Variants in KCNIP4 observed in about 807,000 individuals in gnomAD.
The protein encoded by KCNIP4 is potassium voltage-gated channel interacting protein 4, also known as Kv channel-interacting protein 4.
In KCNIP4, 12 loss-of-function variants were observed where a neutral mutation model predicts 34.0. That is an observed-to-expected ratio of 0.35 (90% CI 0.23 to 0.57). The LOEUF is 0.57. Ranked by LOEUF, KCNIP4 falls within the 20% of genes least tolerant of loss-of-function variation. KCNIP4 has a pLI of 0.83. For missense variants in KCNIP4, 238 were observed against 311.7 expected, an observed-to-expected ratio of 0.76 and a Z score of 1.78; for synonymous variants, 124 against 102.2, an observed-to-expected ratio of 1.21 and a Z score of -1.29.
chr4:21,660,833 A>G (rs545122664), intron 1 of KCNIP4, among the ~76,000 whole-genome samples: 15 of 152,316 alleles, frequency 9.8e-5, no homozygotes, highest in African/African-American at 3.1e-4. Flanking sequence ...TTTCACTTAT[A>G]TATATCTCAT....
intron 1 of KCNIP4, among the ~76,000 whole-genome samples, chr4:20,979,205 AAAGTAT>A (rs147420096): frequency 0.015 from 2,300 of 152,236 alleles, 60 homozygotes; most frequent in African/African-American, 0.053. Flanking sequence ...GCTCTGAAAT[AAAGTAT>A]AAGTATATTG....
chr4:21,763,020 T>C, intron 1 of KCNIP4: 14 of 1,288,794 alleles, frequency 1.1e-5, no homozygotes, highest in Non-Finnish European at 1.4e-5. Context: ...CAGCGAATGC[T>C]CAATAACCGC....
intron 1 of KCNIP4, among the ~76,000 whole-genome samples, chr4:20,905,511 T>TTTTTTTTTTTG (rs1727652468): frequency 1.1e-5 from 1 of 92,124 alleles, no homozygotes; most frequent in African/African-American, 3.7e-5. Flanking sequence ...TTTTCTTTCT[T>TTTTTTTTTTTG]TTTTTTTTTT....
In KCNIP4 at chr4:20,732,927, T is replaced by C. The variant is rs1020013248; in HGVS notation, c.538-142A>G. On this transcript the variant is annotated intron_variant, in intron 6 of 8. Transcript: ENST00000382152. ...TTCTTTGTTAGACGACTGTTGGTTGTCCCAAAGGAAAAGGCAACAAACAGC... is the reference window on the plus strand; with the variant it reads ...TTCTTTGTTAGACGACTGTTGGTTGCCCCAAAGGAAAAGGCAACAAACAGC... 1.9e-5 allele frequency: 11 copies of C among 582,472 alleles called. 1 individual carries two copies. The South Asian group carries it at 2.5e-4, about 13-fold the overall frequency. 36.1% of individuals were successfully genotyped at this position (582,472 alleles called of 1,614,324 possible). A position where few individuals can be genotyped will look rare whatever the true frequency, so the allele number is the denominator to read the frequency against.
intron 3 of KCNIP4, among the ~76,000 whole-genome samples, chr4:20,807,576 G>T: frequency 6.6e-6 from 1 of 152,016 alleles, no homozygotes. Flanking sequence ...AAAAGAAAAA[G>T]GCTGCTGATC....
At chr4:21,708,137 G>T (rs1390528637) in intron 1 of KCNIP4, among the ~76,000 whole-genome samples, 2 of 152,028 alleles carry the variant, frequency 1.3e-5, no homozygotes, top group African/African-American at 4.8e-5. Flanking sequence ...CTATTAAACA[G>T]TCATGCAGTC....
At chr4:21,578,635 C>T (rs953634874) in intron 1 of KCNIP4, among the ~76,000 whole-genome samples, 1 of 152,122 alleles carries the variant, frequency 6.6e-6, no homozygotes, top group Non-Finnish European at 1.5e-5. Flanking sequence ...ATCTGCTCAT[C>T]CGTGCCATCT....
chr4:20,738,895 T>C (rs1026706496), intron 5 of KCNIP4, among the ~76,000 whole-genome samples: 1 of 152,104 alleles, frequency 6.6e-6, no homozygotes, highest in Non-Finnish European at 1.5e-5. Context: ...CTGCCAATAT[T>C]GTGCTTTTCC....
chr4:20,964,118 T>C (rs536783502), intron 1 of KCNIP4, among the ~76,000 whole-genome samples: 6 of 152,302 alleles, frequency 3.9e-5, no homozygotes, highest in African/African-American at 1.4e-4. Flanking sequence ...GTATTTTACA[T>C]ACTTATTTAT....
intron 1 of KCNIP4, among the ~76,000 whole-genome samples, chr4:21,155,942 T>C (rs1455389939): frequency 1.3e-5 from 2 of 152,190 alleles, no homozygotes; most frequent in African/African-American, 4.8e-5. Flanking sequence ...GAACAATTCA[T>C]GCTTCAACCC....
At chr4:21,111,707 T>C (rs1427287334) in intron 1 of KCNIP4, among the ~76,000 whole-genome samples, 2 of 152,094 alleles carry the variant, frequency 1.3e-5, no homozygotes, top group Non-Finnish European at 2.9e-5. Context: ...GACGCTGCCT[T>C]GGAGTAGGGG....
intron 1 of KCNIP4, among the ~76,000 whole-genome samples, chr4:21,617,533 A>G (rs1229613563): frequency 6.6e-6 from 1 of 152,206 alleles, no homozygotes; most frequent in Non-Finnish European, 1.5e-5. Context: ...ATTTTAAGTA[A>G]TAAATCATAA....
chr4:20,986,409 T>A (rs1197338715), intron 1 of KCNIP4, among the ~76,000 whole-genome samples: 2 of 152,268 alleles, frequency 1.3e-5, no homozygotes, highest in East Asian at 3.9e-4. Context: ...CAGGTTTTAG[T>A]AATTAGTAGG....
chr4:20,792,177 C>T (rs1158980647), intron 3 of KCNIP4, among the ~76,000 whole-genome samples: 8 of 152,106 alleles, frequency 5.3e-5, no homozygotes, highest in Non-Finnish European at 7.4e-5. Flanking sequence ...AGTTTGAGAC[C>T]AGCCTGGCCA....
chr4:20,947,572 T>A (rs1732316655), intron 1 of KCNIP4, among the ~76,000 whole-genome samples: 1 of 152,170 alleles, frequency 6.6e-6, no homozygotes, highest in Non-Finnish European at 1.5e-5. Flanking sequence ...TCCTAGTACT[T>A]AGCCTACTTT....
chr4:21,129,894 A>AAAG (rs1488487931), intron 1 of KCNIP4, among the ~76,000 whole-genome samples: 1 of 151,990 alleles, frequency 6.6e-6, no homozygotes, highest in Non-Finnish European at 1.5e-5. Context: ...AATGTTAAAA[A>AAAG]AAAAAACAGT....
intron 1 of KCNIP4, among the ~76,000 whole-genome samples, chr4:21,566,870 GC>G (rs1704391274): frequency 6.6e-6 from 1 of 152,062 alleles, no homozygotes; most frequent in Non-Finnish European, 1.5e-5. Flanking sequence ...ACCCACAAAT[GC>G]AGCCTCGCAC....
intron 1 of KCNIP4, among the ~76,000 whole-genome samples, chr4:21,582,636 A>G (rs1741320673): frequency 6.6e-6 from 1 of 152,008 alleles, no homozygotes; most frequent in African/African-American, 2.4e-5. Context: ...TTTTGTGTAC[A>G]TATTAGAATA....
intron 1 of KCNIP4, among the ~76,000 whole-genome samples, chr4:21,690,246 C>T (rs1166582794): frequency 6.6e-6 from 1 of 151,544 alleles, no homozygotes; most frequent in Non-Finnish European, 1.5e-5. Flanking sequence ...CAGATCTTAC[C>T]TTCCCAAGCC....
Sources: allele counts gnomAD v4.1 joint callset (sites outside exome capture counted in the v4.1 genomes callset), GRCh38; gene constraint gnomAD v4.1.1; transcripts MANE v1.5; gene names NCBI Gene and HGNC (gene_info 2026-07-23, HGNC 2026-07-21).